The following PBX1 variants were observed in gnomAD, a reference collection of about 807,000 sequenced individuals.
The protein encoded by PBX1 is PBX homeobox 1.
In PBX1, 6 loss-of-function variants were observed where a neutral mutation model predicts 53.4. The observed-to-expected ratio is 0.11, with a 90% CI of 0.06 to 0.22. PBX1 has a LOEUF of 0.22. Ranked by LOEUF, PBX1 falls within the 10% of genes least tolerant of loss-of-function variation. PBX1 has a pLI of 1.00. For missense variants in PBX1, 251 were observed against 551.4 expected (o/e 0.46, Z 5.46); for synonymous variants, 204 against 212.3 (o/e 0.96, Z 0.34).
At chr1:164,634,343 GA>G (rs1658603670) in intron 2 of PBX1, among the ~76,000 whole-genome samples, 1 of 152,192 alleles carries the variant, frequency 6.6e-6, no homozygotes, top group Non-Finnish European at 1.5e-5. Flanking sequence ...ACTTATCTAG[GA>G]CTAAAAGGAT....
chr1:164,839,371 A>G (rs893712716), intron 8 of PBX1, among the ~76,000 whole-genome samples: 4 of 152,342 alleles, frequency 2.6e-5, no homozygotes, highest in Middle Eastern at 3.4e-3. Context: ...GTATTTACGT[A>G]ATTAAAAACT....
downstream of PBX1, chr1:164,851,860 T>C (rs764801070): frequency 1.5e-4 from 25 of 165,450 alleles, no homozygotes; most frequent in Non-Finnish European, 2.4e-4. Context: ...TTTCTTTTCT[T>C]ACATGCTGGC....
At chr1:164,885,171 C>A (rs1055756841) in intron 2 of PBX1, among the ~76,000 whole-genome samples, 2 of 152,112 alleles carry the variant, frequency 1.3e-5, no homozygotes, top group African/African-American at 4.8e-5. Context: ...AAGTGTGGGG[C>A]CTGTTTTCAG....
In PBX1 at chr1:164,559,713, C is replaced by T. The variant is rs1243901349; in HGVS notation, c.-110C>T. ...TCTTTTTTCCCCCTTCCCTGTTTATCCTGAAAAGGATTTGAAGACAAGCTT... is the reference window on the plus strand; with the variant it reads ...TCTTTTTTCCCCCTTCCCTGTTTATTCTGAAAAGGATTTGAAGACAAGCTT... On this transcript the variant is annotated 5_prime_UTR_variant, in exon 1 of 9. Coordinates refer to ENST00000420696, the MANE Select transcript of PBX1 (RefSeq NM_002585.4). The T allele has an allele frequency of 1.0e-5, 7 of 681,056 alleles. No individual in the cohort carries two copies. Among genetic ancestry groups the T allele is most frequent in the Non-Finnish European group, 1.5e-5 (7 of 455,950 alleles). 42.2% of individuals were successfully genotyped at this position (681,056 alleles called of 1,614,324 possible).
intron 2 of PBX1, among the ~76,000 whole-genome samples, chr1:164,791,056 C>T (rs1331397962): frequency 1.3e-5 from 2 of 152,156 alleles, no homozygotes; most frequent in Non-Finnish European, 2.9e-5. Flanking sequence ...ACACCGGACC[C>T]CTCTCCTCTG....
intron 2 of PBX1, among the ~76,000 whole-genome samples, chr1:164,721,911 A>G (rs1664431527): frequency 6.6e-6 from 1 of 152,238 alleles, no homozygotes; most frequent in South Asian, 2.1e-4. Flanking sequence ...CCAACAGTGG[A>G]CAGAACACAC....
intron 4 of PBX1, among the ~76,000 whole-genome samples, chr1:164,803,258 C>T (rs1669175865): frequency 6.6e-6 from 1 of 152,192 alleles, no homozygotes; most frequent in Non-Finnish European, 1.5e-5. Context: ...ACTGTTACAA[C>T]TACACAGAAC....
At chr1:164,825,514 G>A (rs561935359) in intron 8 of PBX1, among the ~76,000 whole-genome samples, 60 of 152,290 alleles carry the variant, frequency 3.9e-4, no homozygotes, top group African/African-American at 1.4e-3. Flanking sequence ...CACATCTAGT[G>A]TACCAGCTAT....
chr1:164,716,758 GA>G (rs1213824062), intron 2 of PBX1, among the ~76,000 whole-genome samples: 4 of 123,610 alleles, frequency 3.2e-5, no homozygotes, highest in Non-Finnish European at 5.3e-5. Flanking sequence ...GAAAAAAAAA[GA>G]ATCTATTAAC....
chr1:164,622,320 G>C (rs1657736105), intron 2 of PBX1, among the ~76,000 whole-genome samples: 1 of 152,154 alleles, frequency 6.6e-6, no homozygotes, highest in Non-Finnish European at 1.5e-5. Flanking sequence ...GCTTCCGGTG[G>C]ATCTGTGTGA....
intron 2 of PBX1, among the ~76,000 whole-genome samples, chr1:164,756,666 T>C (rs993003138): frequency 6.6e-6 from 1 of 152,216 alleles, no homozygotes; most frequent in African/African-American, 2.4e-5. Flanking sequence ...GAAAACTGAT[T>C]TGAGAATATC....
chr1:164,669,469 G>A (rs964821990), intron 2 of PBX1, among the ~76,000 whole-genome samples: 13 of 152,178 alleles, frequency 8.5e-5, no homozygotes, highest in African/African-American at 3.1e-4. Context: ...GCAGATGTGG[G>A]TGTTGCAGGT....
At chr1:164,662,519 G>A (rs1386884497) in intron 2 of PBX1, among the ~76,000 whole-genome samples, 2 of 152,078 alleles carry the variant, frequency 1.3e-5, no homozygotes, top group Admixed American at 1.3e-4. Context: ...TCAGTCAGTT[G>A]TGATGGTCTG....
At chr1:164,729,029 C>G (rs779644123) in intron 2 of PBX1, among the ~76,000 whole-genome samples, 39 of 152,204 alleles carry the variant, frequency 2.6e-4, no homozygotes, top group Non-Finnish European at 5.3e-4. Flanking sequence ...CTTCTCTGTT[C>G]AACTTGCAAT....
intron 2 of PBX1, among the ~76,000 whole-genome samples, chr1:164,761,570 G>T (rs181168321): frequency 3.3e-5 from 5 of 151,972 alleles, no homozygotes; most frequent in Non-Finnish European, 7.4e-5. Flanking sequence ...TCAGCCTCCC[G>T]TGTAGCTGGG....
In PBX1 at chr1:164,622,348, G is replaced by A. The variant is rs1657737374; in HGVS notation, c.265+59037G>A. Among the ~76,000 whole-genome samples, 4 of 152,190 alleles carry A rather than the reference G, an allele frequency of 2.6e-5. No homozygotes were observed. In the South Asian group the frequency reaches 8.3e-4, roughly 32 times the overall value. ...CTGTGTGAAATGTCAAGTCCACAGA[G>A]GTTAGCCTAGAATCTCTGTGCTGAA... On this transcript the variant is annotated intron_variant, in intron 2 of 8. Coordinates refer to ENST00000420696, the MANE Select transcript of PBX1 (RefSeq NM_002585.4).
intron 3 of PBX1, among the ~76,000 whole-genome samples, chr1:164,799,177 T>G (rs1013793317): frequency 6.9e-6 from 1 of 144,588 alleles, no homozygotes; most frequent in Non-Finnish European, 1.5e-5. Context: ...ATTAAGAAAC[T>G]TTTTTTTCTC....
chr1:164,820,277 G>T, intron 7 of PBX1, 93 bp downstream of exon 7: 1 of 742,510 alleles, frequency 1.3e-6, no homozygotes, highest in Non-Finnish European at 2.3e-6. Context: ...CAGAGAGAGA[G>T]AGAAAAACAG....
chr1:164,699,094 T>C (rs1662953550), intron 2 of PBX1, among the ~76,000 whole-genome samples: 1 of 152,192 alleles, frequency 6.6e-6, no homozygotes, highest in Non-Finnish European at 1.5e-5. Context: ...AGAATAGGCA[T>C]GCGTGCTCTC....
Sources: gnomAD v4.1 joint callset for allele counts (sites outside exome capture counted in the v4.1 genomes callset) on GRCh38, gnomAD v4.1.1 for gene constraint, MANE v1.5 for transcripts, NCBI Gene and HGNC (gene_info 2026-07-23, HGNC 2026-07-21) for gene names.